Variants in OLA1 observed in about 807,000 individuals in gnomAD.
OLA1 encodes obg-like ATPase 1.
Under a neutral mutation model 48.4 loss-of-function variants are expected in OLA1, and 14 were observed. The observed-to-expected ratio is 0.29, with a 90% CI of 0.19 to 0.45. The LOEUF is 0.45. OLA1 is among the 20% of genes least tolerant of loss of function. OLA1 has a pLI of 1.00. For synonymous variants in OLA1, 127 were observed against 150.4 expected, an observed-to-expected ratio of 0.84 and a Z score of 1.14; for missense variants, 325 against 467.1, an observed-to-expected ratio of 0.70 and a Z score of 2.80.
At chr2:174,148,179 G>A (rs753679120) in intron 4 of OLA1, among the ~76,000 whole-genome samples, 7 of 152,212 alleles carry the variant, frequency 4.6e-5, no homozygotes, top group Non-Finnish European at 8.8e-5. Context: ...CTGAGGTCAG[G>A]AGTTCTAGAC....
At chr2:174,103,876 C>A (rs1458234721) in intron 7 of OLA1, among the ~76,000 whole-genome samples, 1 of 152,054 alleles carries the variant, frequency 6.6e-6, no homozygotes, top group Non-Finnish European at 1.5e-5. Context: ...AAAAGGGAAT[C>A]TGGGGGTGTT....
At position 174,123,245 on chromosome 2, in the gene OLA1, A is replaced by C. The variant is rs1245170579; in HGVS notation, c.663T>G (p.Thr221=). The change falls in exon 7 of 11, where the codon ACT becomes ACG. Residue 221 remains threonine (T), a synonymous_variant. Transcript: ENST00000284719. The part of the protein sequence containing the change: ...IEVLNKHLFL[T]SKPMVYLVNL... ...TAACCAAGTAGACCATTGGTTTTGAAGTCAAAAATAAGTGTTTATTCAACA... is the reference window on the plus strand; with the variant it reads ...TAACCAAGTAGACCATTGGTTTTGACGTCAAAAATAAGTGTTTATTCAACA... 6.4e-7 allele frequency: 1 copy of C among 1,565,304 alleles called. No homozygotes were observed. The highest frequency in any genetic ancestry group is 8.7e-7 in the Non-Finnish European group (1 of 1,144,686).
At chr2:174,136,687 T>TC (rs1686317505) in intron 5 of OLA1, among the ~76,000 whole-genome samples, 1 of 151,878 alleles carries the variant, frequency 6.6e-6, no homozygotes, top group Admixed American at 6.6e-5. Flanking sequence ...TTTTTTTTTT[T>TC]CCTGAGACGA....
intron 7 of OLA1, among the ~76,000 whole-genome samples, chr2:174,095,532 G>A (rs78164392): frequency 0.14 from 20,589 of 151,818 alleles, 1,757 homozygotes; most frequent in Non-Finnish European, 0.2. Context: ...TTAACTGGAT[G>A]GGTTGTTTGT....
At chr2:174,091,421 C>T (rs530367390) in intron 7 of OLA1, among the ~76,000 whole-genome samples, 1 of 152,256 alleles carries the variant, frequency 6.6e-6, no homozygotes, top group East Asian at 1.9e-4. Context: ...CTGTCATCAT[C>T]TGTTTTATCT....
At chr2:174,097,647 C>A (rs561294117) in intron 7 of OLA1, among the ~76,000 whole-genome samples, 2 of 151,678 alleles carry the variant, frequency 1.3e-5, no homozygotes, top group South Asian at 2.1e-4. Flanking sequence ...AGGCATAGAA[C>A]CTGGGTGGTG....
intron 5 of OLA1, chr2:174,124,275 A>G (rs1180076822): frequency 2.0e-5 from 3 of 149,002 alleles, no homozygotes; most frequent in Admixed American, 6.7e-5. Context: ...CAATGGCAAG[A>G]GCCCTGCACT....
chr2:174,175,855 T>C (rs943043065), intron 4 of OLA1, among the ~76,000 whole-genome samples: 2 of 152,026 alleles, frequency 1.3e-5, no homozygotes, highest in African/African-American at 4.8e-5. Context: ...AAAGGCTACA[T>C]AGTAATAAGA....
chr2:174,241,658 C>T (rs766462430), intron 2 of OLA1, among the ~76,000 whole-genome samples: 3 of 152,196 alleles, frequency 2.0e-5, no homozygotes, highest in Non-Finnish European at 2.9e-5. Context: ...CTTTTTAAGA[C>T]AGAGTCGCAC....
intron 3 of OLA1, among the ~76,000 whole-genome samples, chr2:174,228,802 T>C (rs1367601631): frequency 1.3e-5 from 2 of 152,208 alleles, no homozygotes; most frequent in African/African-American, 4.8e-5. Context: ...AATTACTCCA[T>C]TTTATACTCC....
At chr2:174,184,559 T>C (rs956533286) in intron 4 of OLA1, among the ~76,000 whole-genome samples, 3 of 152,192 alleles carry the variant, frequency 2.0e-5, no homozygotes, top group Non-Finnish European at 4.4e-5. Flanking sequence ...CTGGATTGAA[T>C]CCTGGACCGG....
Position 174,073,026 on chromosome 2 carries a change from G to A in OLA1, c.*2400C>T, listed in dbSNP as rs1199590383. 6.6e-6 allele frequency: 1 copy of A among 152,338 alleles called. No homozygotes were observed. Among genetic ancestry groups the A allele is most frequent in the Non-Finnish European group, 1.5e-5 (1 of 68,166 alleles). 9.4% of individuals were successfully genotyped at this position (152,338 alleles called of 1,614,324 possible). Reference sequence around the variant, plus strand: ...AGACAGGGTCTCACTCTGTTGCCCAGGCTGGAGTGCAGTGGCATGATCATG... The same window carrying A: ...AGACAGGGTCTCACTCTGTTGCCCAAGCTGGAGTGCAGTGGCATGATCATG... On this transcript the variant is annotated 3_prime_UTR_variant, in exon 11 of 11. Transcript: ENST00000284719.
chr2:174,222,958 A>C, intron 4 of OLA1, 75 bp downstream of exon 4: 1 of 1,448,946 alleles, frequency 6.9e-7, no homozygotes, highest in Non-Finnish European at 9.3e-7. Flanking sequence ...GTCATTTCTA[A>C]TTTTATTTGT....
chr2:174,240,172 G>C (rs767313861), intron 2 of OLA1: 1 of 152,054 alleles, frequency 6.6e-6, no homozygotes, highest in Non-Finnish European at 1.5e-5. Context: ...CCAGGCTAGA[G>C]TGTAGTGGCT....
intron 4 of OLA1, among the ~76,000 whole-genome samples, chr2:174,222,228 TTTA>T (rs1266234761): frequency 5.9e-5 from 9 of 152,040 alleles, no homozygotes; most frequent in Non-Finnish European, 1.3e-4. Flanking sequence ...CCGGCAGAAT[TTTA>T]TTATTACTTT....
rs942153109 is a variant in OLA1, at chr2:174,248,498, A to T, written c.-47T>A. 6.0e-6 allele frequency: 1 copy of T among 165,842 alleles called. No individual in the cohort carries two copies. The highest frequency in any genetic ancestry group is 6.5e-5 in the Admixed American group (1 of 15,290). The allele number at this position is 165,842 out of a possible 1,614,324, so 10.3% of individuals were successfully genotyped here. The stretch of plus-strand genomic sequence containing the variant: ...CACGGGGTCCCAGCGGCAGCGAGAG[A>T]AAGGTCCTGCCGGCAGCTGGAGGCG... On this transcript the variant is annotated 5_prime_UTR_variant, in exon 1 of 11. Transcript: ENST00000284719.
chr2:174,165,246 G>C (rs1163939399), intron 4 of OLA1, among the ~76,000 whole-genome samples: 1 of 152,160 alleles, frequency 6.6e-6, no homozygotes, highest in African/African-American at 2.4e-5. Flanking sequence ...AGTATCTACT[G>C]TCCCATATTT....
intron 2 of OLA1, among the ~76,000 whole-genome samples, chr2:174,232,789 A>G (rs1355381379): frequency 1.3e-5 from 2 of 152,200 alleles, no homozygotes; most frequent in Non-Finnish European, 2.9e-5. Context: ...ACGCTACGGA[A>G]AACAGTTTGA....
intron 7 of OLA1, among the ~76,000 whole-genome samples, chr2:174,086,596 C>T (rs1684983447): frequency 1.3e-5 from 2 of 152,012 alleles, no homozygotes; most frequent in Admixed American, 6.5e-5. Flanking sequence ...GCCTTTGGGG[C>T]CATTATTAAG....
Sources: gnomAD v4.1 joint callset for allele counts (sites outside exome capture counted in the v4.1 genomes callset) on GRCh38, gnomAD v4.1.1 for gene constraint, MANE v1.5 for transcripts, NCBI Gene and HGNC (gene_info 2026-07-23, HGNC 2026-07-21) for gene names.